The following PCYT1B variants were observed in gnomAD, a reference collection of about 807,000 sequenced individuals.
PCYT1B encodes choline-phosphate cytidylyltransferase B.
Under a neutral mutation model 26.4 loss-of-function variants are expected in PCYT1B, and 10 were observed. The observed-to-expected ratio is 0.38, with a 90% CI of 0.23 to 0.64. The LOEUF is 0.64. PCYT1B is among the 30% of genes least tolerant of loss of function. The probability of loss-of-function intolerance (pLI) is 0.56; values close to 1 mark genes in which losing one functional copy is unlikely to be tolerated. For synonymous variants in PCYT1B, 131 were observed against 108.4 expected, an observed-to-expected ratio of 1.21 and a Z score of -1.29; for missense variants, 161 against 292.7, an observed-to-expected ratio of 0.55 and a Z score of 3.28.
At chrX:24,665,438 G>A (rs1927108031) in intron 1 of PCYT1B, among the ~76,000 whole-genome samples, 1 of 110,306 alleles carries the variant, frequency 9.1e-6, no homozygotes, top group South Asian at 3.9e-4. Flanking sequence ...TTACAGGCGC[G>A]TGCCACCACG....
chrX:24,594,664 A>G (rs1924721039), intron 3 of PCYT1B, among the ~76,000 whole-genome samples: 1 of 112,104 alleles, frequency 8.9e-6, no homozygotes, highest in Admixed American at 9.5e-5. Context: ...GAACATGCTG[A>G]CCAGTTATTG....
At chrX:24,600,789 G>A (rs1281077772) in intron 3 of PCYT1B, among the ~76,000 whole-genome samples, 1 of 110,783 alleles carries the variant, frequency 9.0e-6, no homozygotes, top group African/African-American at 3.3e-5. Context: ...TTGGCAAAAA[G>A]AACAGACAAA....
At chrX:24,576,494 G>A (rs1368895213) in intron 6 of PCYT1B, among the ~76,000 whole-genome samples, 2 of 110,498 alleles carry the variant, frequency 1.8e-5, no homozygotes, top group East Asian at 2.8e-4. Flanking sequence ...TAGTAGGGAC[G>A]GGGTTTCACC....
intron 1 of PCYT1B, among the ~76,000 whole-genome samples, chrX:24,629,826 G>A (rs1926010287): frequency 9.0e-6 from 1 of 110,719 alleles, no homozygotes; most frequent in Admixed American, 9.8e-5. Context: ...AGCAGTGAGT[G>A]AATATCAAAT....
chrX:24,610,791 A>G (rs1194114072), intron 2 of PCYT1B, among the ~76,000 whole-genome samples: 1 of 111,482 alleles, frequency 9.0e-6, no homozygotes, highest in African/African-American at 3.3e-5. Flanking sequence ...CTCCCTGCCA[A>G]AAAAGGACCC....
chrX:24,566,974 C>T (rs1208772869), intron 7 of PCYT1B, among the ~76,000 whole-genome samples: 2 of 112,382 alleles, frequency 1.8e-5, no homozygotes, highest in Non-Finnish European at 3.7e-5. Flanking sequence ...TACAACAGCA[C>T]TCCCTTAGAT....
chrX:24,609,060 G>A (rs769379643), intron 2 of PCYT1B, among the ~76,000 whole-genome samples: 1 of 112,014 alleles, frequency 8.9e-6, no homozygotes, highest in Non-Finnish European at 1.9e-5. Flanking sequence ...CTCATTCTAA[G>A]CACCCTTGTC....
intron 7 of PCYT1B, among the ~76,000 whole-genome samples, chrX:24,567,092 G>A (rs771181237): frequency 2.7e-5 from 3 of 112,225 alleles, no homozygotes; most frequent in Non-Finnish European, 3.8e-5. Flanking sequence ...TTTAAAATAT[G>A]TGTTTTTATT....
rs1456231268 is a variant in PCYT1B, at chrX:24,560,051, A to G, written c.*2242T>C. ...AGTCACGTAAGTGGCACCTGTCAGT[A>G]TGGCGTGTAAGGCCTGCAAATGTAT... On this transcript the variant is annotated 3_prime_UTR_variant, in exon 8 of 8. Transcript: ENST00000379144. 1 of 111,955 alleles carries G rather than the reference A, an allele frequency of 8.9e-6. No individual in the cohort carries two copies. Among genetic ancestry groups the G allele is most frequent in the Non-Finnish European group, 1.9e-5 (1 of 53,199 alleles). The allele number at this position is 111,955 out of a possible 1,213,427, so 9.2% of individuals were successfully genotyped here.
intron 7 of PCYT1B, 32 bp downstream of exon 7, chrX:24,575,098 T>C (rs778327730): frequency 4.5e-6 from 5 of 1,106,992 alleles, no homozygotes; most frequent in Non-Finnish European, 6.0e-6. Context: ...AAAACACTCA[T>C]CATTGTGGGG....
At chrX:24,594,267 C>A (rs1414278048) in intron 3 of PCYT1B, among the ~76,000 whole-genome samples, 1 of 111,220 alleles carries the variant, frequency 9.0e-6, no homozygotes, top group Non-Finnish European at 1.9e-5. Flanking sequence ...GGTAGTAGGG[C>A]CATAATAACT....
At chrX:24,578,254 C>T in intron 6 of PCYT1B, among the ~76,000 whole-genome samples, 1 of 110,356 alleles carries the variant, frequency 9.1e-6, no homozygotes, top group East Asian at 2.9e-4. Flanking sequence ...AACCAAACAC[C>T]GCGTGTTCTC....
At chrX:24,662,448 C>T (rs1444963416) in intron 1 of PCYT1B, among the ~76,000 whole-genome samples, 1 of 111,237 alleles carries the variant, frequency 9.0e-6, no homozygotes, top group African/African-American at 3.3e-5. Context: ...GGACAATCGT[C>T]CACTGTAAGA....
chrX:24,652,772 C>T (rs889251186), intron 1 of PCYT1B, among the ~76,000 whole-genome samples: 3 of 110,619 alleles, frequency 2.7e-5, no homozygotes, highest in Non-Finnish European at 3.8e-5. Context: ...CTCACATCAA[C>T]GTCATCAAAT....
intron 1 of PCYT1B, among the ~76,000 whole-genome samples, chrX:24,630,523 C>T (rs1478650221): frequency 8.9e-6 from 1 of 111,948 alleles, no homozygotes; most frequent in African/African-American, 3.2e-5. Flanking sequence ...TCTCGATCTC[C>T]TGACCTCGTG....
chrX:24,600,427 T>C (rs1032341172), intron 3 of PCYT1B, among the ~76,000 whole-genome samples: 1 of 110,656 alleles, frequency 9.0e-6, no homozygotes, highest in Non-Finnish European at 1.9e-5. Context: ...ATTAGCTTAC[T>C]AGAGCAGAAA....
At chrX:24,651,370 G>A (rs188615802), upstream of PCYT1B, among the ~76,000 whole-genome samples, 7 of 97,522 alleles carry the variant, frequency 7.2e-5, no homozygotes, top group Admixed American at 2.3e-4. Context: ...CAGGAGAATC[G>A]CTTGAACCTC....
intron 2 of PCYT1B, among the ~76,000 whole-genome samples, chrX:24,611,524 G>A (rs1422068876): frequency 1.8e-5 from 2 of 111,527 alleles, no homozygotes; most frequent in East Asian, 5.6e-4. Context: ...GTGGAGAGAC[G>A]TTAAGGTGGC....
At chrX:24,565,627 C>A (rs751436993) in intron 7 of PCYT1B, among the ~76,000 whole-genome samples, 77 of 110,906 alleles carry the variant, frequency 6.9e-4, no homozygotes, top group Non-Finnish European at 1.2e-3. Flanking sequence ...GACTGGATTT[C>A]CTACTCAAGA....
Sources: allele counts gnomAD v4.1 joint callset (sites outside exome capture counted in the v4.1 genomes callset), GRCh38; gene constraint gnomAD v4.1.1; transcripts MANE v1.5; gene names NCBI Gene and HGNC (gene_info 2026-07-23, HGNC 2026-07-21).